ZNF554: variants seen among roughly 807,000 people sequenced by gnomAD.
The protein encoded by ZNF554 is zinc finger protein 554.
In ZNF554, 15 loss-of-function variants were observed where a neutral mutation model predicts 21.2. The observed-to-expected ratio is 0.71, with a 90% CI of 0.47 to 1.09. ZNF554 has a LOEUF of 1.09. Among genes scored for constraint, ZNF554 ranks in the 50% least tolerant of loss-of-function variants. ZNF554 has a pLI of 0.00. For missense variants in ZNF554, 691 were observed against 662.7 expected, an observed-to-expected ratio of 1.04 and a Z score of -0.47; for synonymous variants, 258 against 251.4, an observed-to-expected ratio of 1.03 and a Z score of -0.25.
intron 2 of ZNF554, among the ~76,000 whole-genome samples, chr19:2,825,003 G>GT (rs140025750): frequency 0.01 from 980 of 97,676 alleles, 63 homozygotes; most frequent in African/African-American, 0.027. Flanking sequence ...GATTGCAGTT[G>GT]TTTTTTTTTT....
chr19:2,834,031 G>A lies in ZNF554; in HGVS notation c.796G>A (p.Gly266Arg). The change falls in exon 5 of 5, where the codon GGA (glycine) becomes AGA (arginine). Residue 266 changes from glycine to arginine, a missense_variant. Coordinates refer to ENST00000317243, the MANE Select transcript of ZNF554 (RefSeq NM_001102651.2). Reference protein sequence around the residue: ...SDSVLNHHQLGYADRRPCESN... With the variant: ...SDSVLNHHQLRYADRRPCESN... ...TTCAGTCTTAAACCACCATCAGCTG[G>A]GATATGCAGATCGGAGACCTTGTGA... is the stretch of plus-strand genomic sequence containing the variant. 6.2e-7 allele frequency: 1 copy of A among 1,614,086 alleles called. No homozygotes were observed. Among genetic ancestry groups the A allele is most frequent in the Non-Finnish European group, 8.5e-7 (1 of 1,180,038 alleles).
intron 3 of ZNF554, among the ~76,000 whole-genome samples, chr19:2,829,835 C>A (rs896623517): frequency 2.0e-5 from 3 of 152,090 alleles, no homozygotes; most frequent in African/African-American, 7.2e-5. Flanking sequence ...ACTCTGTACC[C>A]GTTAAATTCT....
chr19:2,820,193 C>T, intron 1 of ZNF554, 69 bp downstream of exon 1: 1 of 1,196,962 alleles, frequency 8.4e-7, no homozygotes, highest in East Asian at 3.3e-5. Flanking sequence ...GGGGCTGGGT[C>T]TGGCGGGGCC....
At chr19:2,825,039 G>C (rs886137717) in intron 2 of ZNF554, among the ~76,000 whole-genome samples, 1 of 131,376 alleles carries the variant, frequency 7.6e-6, no homozygotes, top group East Asian at 2.4e-4. Flanking sequence ...TTGAGACAAG[G>C]TCTTGCTCTG....
At chr19:2,826,627 A>G (rs894278395) in intron 2 of ZNF554, among the ~76,000 whole-genome samples, 14 of 151,078 alleles carry the variant, frequency 9.3e-5, no homozygotes, top group Non-Finnish European at 1.8e-4. Flanking sequence ...AGCTTTTGCC[A>G]TATTTCAGTG....
chr19:2,827,275 A>G (rs747210166), intron 2 of ZNF554, among the ~76,000 whole-genome samples: 1 of 152,232 alleles, frequency 6.6e-6, no homozygotes, highest in Non-Finnish European at 1.5e-5. Flanking sequence ...TATCCATGAC[A>G]TCCATTCATT....
chr19:2,823,429 T>C (rs1212107261), intron 2 of ZNF554, among the ~76,000 whole-genome samples: 1 of 152,090 alleles, frequency 6.6e-6, no homozygotes, highest in East Asian at 1.9e-4. Context: ...GAATGAGGTA[T>C]ACAGACAAGT....
rs926074400 is a variant in ZNF554 at position 2,835,861 on chromosome 19, G to A, written c.*1009G>A. 6.6e-6 allele frequency: 1 copy of A among 152,038 alleles called. No individual in the cohort carries two copies. Among genetic ancestry groups the A allele is most frequent in the Admixed American group, 6.6e-5 (1 of 15,260 alleles). 9.4% of individuals were successfully genotyped at this position (152,038 alleles called of 1,614,324 possible). ...TTTATATGAGACGAGTTTTCACTCT[G>A]TTGCTGAGGCTGAAGTGCAGTGGCG... On this transcript the variant is annotated 3_prime_UTR_variant, in exon 5 of 5. Coordinates refer to ENST00000317243, the MANE Select transcript of ZNF554 (RefSeq NM_001102651.2).
At position 2,832,451 on chromosome 19, in the gene ZNF554, C is replaced by T. The variant is rs371861736; in HGVS notation, c.402C>T (p.Ala134=). The T allele has an allele frequency of 5.5e-5, 89 of 1,612,860 alleles. No homozygotes were observed. In the Middle Eastern group the frequency reaches 8.2e-4, roughly 15 times the overall value. The change falls in exon 4 of 5, where the codon GCC becomes GCT. Residue 134 remains alanine, a synonymous_variant. Transcript: ENST00000317243. ...CTTCCCACTTGGAGCAAAGAGAAGC[C>T]CTGTGGATAGAGGAAAAAGGAACTC... ...VASSHLEQRE[A]LWIEEKGTPQ... is the part of the protein sequence containing the mutation.
rs72982713 is a variant in ZNF554 at position 2,821,115 on chromosome 19, A to T, written c.53+991A>T. 6.3e-3 allele frequency among the ~76,000 whole-genome samples: 935 copies of T among 149,272 alleles called. 6 individuals carry two copies. Among genetic ancestry groups the T allele is most frequent in the Non-Finnish European group, 7.3e-3 (490 of 67,410 alleles). ...CTTCTTCTTTTTTTTTTCTTGAGAC[A>T]GTCTCGCCCTATTGCCCAGGCTGGA... On this transcript the variant is annotated intron_variant, in intron 1 of 4. Transcript: ENST00000317243. The surrounding 1 kb of genome is among the most constrained non-coding windows in gnomAD (Gnocchi z 8.2).
rs1159493323 is a variant in ZNF554, at chr19:2,821,132, C to A, written c.53+1008C>A. On this transcript the variant is annotated intron_variant, in intron 1 of 4. Coordinates refer to ENST00000317243, the MANE Select transcript of ZNF554 (RefSeq NM_001102651.2). The surrounding 1 kb of genome is among the most constrained non-coding windows in gnomAD (Gnocchi z 8.2). ...CTTGAGACAGTCTCGCCCTATTGCC[C>A]AGGCTGGAGTGCAGTTGCACGATCT... is the stretch of plus-strand genomic sequence containing the variant. Among the ~76,000 whole-genome samples, 1 of 151,110 alleles carries A rather than the reference C, an allele frequency of 6.6e-6. No individual in the cohort carries two copies. Among genetic ancestry groups the A allele is most frequent in the Non-Finnish European group, 1.5e-5 (1 of 67,894 alleles).
At position 2,821,636 on chromosome 19, in the gene ZNF554, C is replaced by G. The variant is rs953188137; in HGVS notation, c.54-1404C>G. ...AAGCTCTGCCTGCATCATCATGTGG[C>G]CTTCTTCCCTGTGTCTCTTTCTCCT... On this transcript the variant is annotated intron_variant, in intron 1 of 4. Coordinates refer to ENST00000317243, the MANE Select transcript of ZNF554 (RefSeq NM_001102651.2). The surrounding 1 kb of genome is among the most constrained non-coding windows in gnomAD (Gnocchi z 8.2). 6.6e-6 allele frequency among the ~76,000 whole-genome samples: 1 copy of G among 151,700 alleles called. No homozygotes were observed. The highest frequency in any genetic ancestry group is 2.4e-5 in the African/African-American group (1 of 41,036).
At chr19:2,833,095 TTCTTTCTC>T (rs2087442035) in intron 4 of ZNF554, 1 of 152,734 alleles carries the variant, frequency 6.5e-6, no homozygotes, top group East Asian at 1.9e-4. Context: ...TTCTTGATAA[TTCTTTCTC>T]TCTGCCAGAC....
At position 2,834,915 on chromosome 19, in the gene ZNF554, T is replaced by C; in HGVS notation, c.*63T>C. 1 of 1,428,636 alleles carries C rather than the reference T, an allele frequency of 7.0e-7. No individual in the cohort carries two copies. Among genetic ancestry groups the C allele is most frequent in the Non-Finnish European group, 9.4e-7 (1 of 1,059,600 alleles). 88.5% of individuals were successfully genotyped at this position (1,428,636 alleles called of 1,614,324 possible). On this transcript the variant is annotated 3_prime_UTR_variant, in exon 5 of 5. Coordinates refer to ENST00000317243, the MANE Select transcript of ZNF554 (RefSeq NM_001102651.2). The stretch of plus-strand genomic sequence containing the variant: ...CTGACACATACATGTGGTTATCTTT[T>C]GCCCTGTTGTGATGGATAATTTGAA...
chr19:2,824,397 C>T lies in ZNF554; in HGVS notation c.126+1285C>T, dbSNP rs528333446. Among the ~76,000 whole-genome samples, 109 of 152,332 alleles carry T rather than the reference C, an allele frequency of 7.2e-4. 1 individual carries two copies. The highest frequency in any genetic ancestry group is 2.5e-3 in the African/African-American group (102 of 41,576). ...AGGAGGACGGGGCTCCCACTAGCTC[C>T]ATGGAGTGTGCAGCCCCGGTGGCAC... is the stretch of plus-strand genomic sequence containing the variant. On this transcript the variant is annotated intron_variant, in intron 2 of 4. Coordinates refer to ENST00000317243, the MANE Select transcript of ZNF554 (RefSeq NM_001102651.2).
Position 2,834,091 on chromosome 19 carries a change from A to C in ZNF554, c.856A>C (p.Ser286Arg). The C allele has an allele frequency of 6.2e-7, 1 of 1,614,106 alleles. No individual in the cohort carries two copies. The highest frequency in any genetic ancestry group is 1.1e-5 in the South Asian group (1 of 91,092). ...ATGTGGAAATGCCATCCGCCAGAACAGTCACTTTATTCAACACGGGGGGAA... is the reference window on the plus strand; with the variant it reads ...ATGTGGAAATGCCATCCGCCAGAACCGTCACTTTATTCAACACGGGGGGAA... ...NECGNAIRQN[S>R]HFIQHGGKMF... The change falls in exon 5 of 5, where the codon AGT becomes CGT. Residue 286 changes from serine to arginine, a missense_variant. Physicochemically the swap from Ser to Arg is moderately radical, Grantham distance 110. Transcript: ENST00000317243.
At chr19:2,823,289 C>T (rs576621228) in intron 2 of ZNF554, among the ~76,000 whole-genome samples, 177 bp downstream of exon 2, 9 of 152,232 alleles carry the variant, frequency 5.9e-5, no homozygotes, top group South Asian at 2.1e-4. Context: ...GAGTGACCCT[C>T]AGTATTGGGA....
intron 2 of ZNF554, among the ~76,000 whole-genome samples, chr19:2,823,389 T>A (rs1366102410): frequency 1.3e-5 from 2 of 152,134 alleles, no homozygotes; most frequent in Non-Finnish European, 2.9e-5. Flanking sequence ...TGTGGTACCT[T>A]TGCCCAAGTT....
Position 2,821,231 on chromosome 19 carries a change from T to C in ZNF554, c.53+1107T>C, listed in dbSNP as rs775860852. 8.6e-5 allele frequency among the ~76,000 whole-genome samples: 13 copies of C among 151,420 alleles called. No individual in the cohort carries two copies. The highest frequency in any genetic ancestry group is 1.6e-4 in the Non-Finnish European group (11 of 67,944). On this transcript the variant is annotated intron_variant, in intron 1 of 4. Transcript: ENST00000317243. The surrounding 1 kb of genome is among the most constrained non-coding windows in gnomAD (Gnocchi z 8.2). ...CCTCCCAAGTAGCTGGGATTACAGG[T>C]GCACGCCACCCCGCCTGGCTAATTT...
Sources: allele counts gnomAD v4.1 joint callset (sites outside exome capture counted in the v4.1 genomes callset), GRCh38; gene constraint gnomAD v4.1.1; non-coding constraint Gnocchi (gnomAD v3.1); transcripts MANE v1.5; gene names NCBI Gene and HGNC (gene_info 2026-07-23, HGNC 2026-07-21).